Variants in ZFHX3 observed in about 807,000 individuals in gnomAD.
ZFHX3 encodes zinc finger homeobox 3.
Under a neutral mutation model 279.1 loss-of-function variants are expected in ZFHX3, and 42 were observed. That is an observed-to-expected ratio of 0.15 (90% confidence interval 0.12 to 0.19). ZFHX3 has a LOEUF of 0.19. ZFHX3 is among the 10% of genes least tolerant of loss of function. ZFHX3 has a pLI of 1.00. For missense variants in ZFHX3, 4,981 were observed against 4,754.0 expected (o/e 1.05, Z -1.40); for synonymous variants, 2,293 against 1,957.8 (o/e 1.17, Z -4.52).
chr16:73,786,177 A>AT (rs34556370), intron 1 of ZFHX3, among the ~76,000 whole-genome samples: 2,198 of 147,760 alleles, frequency 0.015, 43 homozygotes, highest in African/African-American at 0.047. Context: ...AGCCAGAATG[A>AT]TTTTTTTTTT....
intron 1 of ZFHX3, among the ~76,000 whole-genome samples, chr16:73,814,680 G>C (rs529122477): frequency 1.5e-4 from 22 of 151,564 alleles, no homozygotes; most frequent in African/African-American, 4.6e-4. Flanking sequence ...TGATTCTCCT[G>C]CCTCAGCCTC....
At chr16:73,354,784 T>A (rs1160490059) in intron 3 of ZFHX3, among the ~76,000 whole-genome samples, 1 of 152,126 alleles carries the variant, frequency 6.6e-6, no homozygotes, top group Non-Finnish European at 1.5e-5. Flanking sequence ...AGTCTCTAAT[T>A]AGCAGATTCC....
intron 5 of ZFHX3, among the ~76,000 whole-genome samples, chr16:72,814,836 C>T (rs569890362): frequency 6.6e-6 from 1 of 152,312 alleles, no homozygotes; most frequent in Admixed American, 6.5e-5. Context: ...ACAATCTGCA[C>T]CTTTATTAGA....
chr16:73,140,852 A>C (rs1039320816), intron 6 of ZFHX3, among the ~76,000 whole-genome samples: 35 of 152,152 alleles, frequency 2.3e-4, no homozygotes, highest in African/African-American at 6.8e-4. Flanking sequence ...ACTCTGTCCC[A>C]AAAACAACAA....
At chr16:72,829,595 G>T in intron 5 of ZFHX3, 184 bp downstream of exon 5, 1 of 617,240 alleles carries the variant, frequency 1.6e-6, no homozygotes, top group Non-Finnish European at 2.8e-6. Flanking sequence ...GTATAATAAA[G>T]AAGAATAAAG....
chr16:73,294,951 C>A (rs546764147), intron 4 of ZFHX3, among the ~76,000 whole-genome samples: 1 of 152,082 alleles, frequency 6.6e-6, no homozygotes, highest in Admixed American at 6.5e-5. Flanking sequence ...CGGTGACTCA[C>A]GCCTGTAATC....
rs534779605 is a variant in ZFHX3 at position 73,155,056 on chromosome 16, C to T, written c.-1103-11225G>A. Among the ~76,000 whole-genome samples, 4 of 151,730 alleles carry T rather than the reference C, an allele frequency of 2.6e-5. 1 individual carries two copies. The highest frequency in any genetic ancestry group is 7.3e-5 in the African/African-American group (3 of 41,364). On this transcript the variant is annotated intron_variant, in intron 5 of 17. Coordinates refer to the ZFHX3 transcript ENST00000641206. The stretch of plus-strand genomic sequence containing the variant: ...TGGCATGGTGGCTGCACTTGTAGTG[C>T]CAGCTACTCAGAGGTTGAGGCACAA...
intron 2 of ZFHX3, among the ~76,000 whole-genome samples, chr16:73,533,218 G>A (rs1368262942): frequency 6.6e-6 from 1 of 151,360 alleles, no homozygotes; most frequent in Non-Finnish European, 1.5e-5. Flanking sequence ...CACTTTTTGC[G>A]GAGGGCTTGG....
At chr16:73,289,955 C>T (rs1414474951) in intron 4 of ZFHX3, among the ~76,000 whole-genome samples, 1 of 151,938 alleles carries the variant, frequency 6.6e-6, no homozygotes, top group African/African-American at 2.4e-5. Flanking sequence ...GTTTCTGAGC[C>T]TCAATTCCAA....
intron 1 of ZFHX3, among the ~76,000 whole-genome samples, chr16:73,773,611 G>C (rs1389547924): frequency 6.6e-6 from 1 of 152,238 alleles, no homozygotes; most frequent in Non-Finnish European, 1.5e-5. Context: ...GGGACAGAGA[G>C]AGGGCCATCC....
intron 3 of ZFHX3, among the ~76,000 whole-genome samples, chr16:73,453,328 A>G (rs2018311433): frequency 6.6e-6 from 1 of 152,196 alleles, no homozygotes; most frequent in Non-Finnish European, 1.5e-5. Context: ...TGCTTTGTGT[A>G]ATTGGATGTG....
chr16:72,885,945 C>A (rs2038611448), intron 4 of ZFHX3, among the ~76,000 whole-genome samples: 1 of 152,118 alleles, frequency 6.6e-6, no homozygotes, highest in South Asian at 2.1e-4. Context: ...AAAATCATGT[C>A]CTGACCCTTA....
chr16:72,926,754 G>A (rs1378857782), intron 3 of ZFHX3, among the ~76,000 whole-genome samples: 3 of 152,142 alleles, frequency 2.0e-5, no homozygotes, highest in Admixed American at 6.5e-5. Flanking sequence ...GCGATTACAT[G>A]CTCCTGCCTC....
At chr16:73,557,027 G>A (rs776204602) in intron 2 of ZFHX3, among the ~76,000 whole-genome samples, 11 of 148,582 alleles carry the variant, frequency 7.4e-5, no homozygotes, top group South Asian at 2.1e-4. Context: ...CCTGGGAGGC[G>A]GAGCTTGCAG....
At chr16:73,348,123 T>G (rs529347794) in intron 3 of ZFHX3, among the ~76,000 whole-genome samples, 7 of 152,278 alleles carry the variant, frequency 4.6e-5, no homozygotes, top group African/African-American at 1.2e-4. Flanking sequence ...TTCTTGAACT[T>G]GGGCAGGCCG....
intron 5 of ZFHX3, among the ~76,000 whole-genome samples, chr16:73,173,008 GTTTTTTTTTTTTTTTTTT>G (rs1967572094): frequency 1.1e-3 from 53 of 49,958 alleles, no homozygotes; most frequent in Middle Eastern, 0.056. Flanking sequence ...TTTTTTTTTT[GTTTTTTTTTTTTTTTTTT>G]GGGAGGGGAA....
At chr16:73,486,634 C>G (rs74028676) in intron 2 of ZFHX3, 396 of 342,756 alleles carry the variant, frequency 1.2e-3, no homozygotes, top group African/African-American at 7.9e-3. Flanking sequence ...ATTCCAAACA[C>G]CAAAATTAAC....
At chr16:72,852,386 G>A (rs2037639127) in intron 4 of ZFHX3, among the ~76,000 whole-genome samples, 2 of 152,114 alleles carry the variant, frequency 1.3e-5, no homozygotes, top group Non-Finnish European at 2.9e-5. Context: ...ATTAAAAGTG[G>A]AGCGCACTCC....
rs78552570 is a variant in ZFHX3 at position 73,719,354 on chromosome 16, G to A, written c.-1607-39114C>T. Among the ~76,000 whole-genome samples, 678 of 152,306 alleles carry A rather than the reference G, an allele frequency of 4.5e-3. 4 individuals carry two copies. The highest frequency in any genetic ancestry group is 0.015 in the African/African-American group (644 of 41,562). ...AGTTATTCCTCCCATTATGTCAGGT[G>A]GCACCTGCGTGGTCACCAGCATTTT... On this transcript the variant is annotated intron_variant, in intron 1 of 17. Coordinates refer to the ZFHX3 transcript ENST00000641206.
Sources: allele counts gnomAD v4.1 joint callset (sites outside exome capture counted in the v4.1 genomes callset), GRCh38; gene constraint gnomAD v4.1.1; transcripts MANE v1.5; gene names NCBI Gene and HGNC (gene_info 2026-07-23, HGNC 2026-07-21).